The following ENTREP2 variants were observed in gnomAD, a reference collection of about 807,000 sequenced individuals.
ENTREP2 encodes the protein endosomal transmembrane epsin interactor 2, also known as protein ENTREP2.
At chr15:29,258,070 G>A in the ENTREP2 span, among the ~76,000 whole-genome samples, 5 of 151,960 alleles carry the variant, frequency 3.3e-5, no homozygotes, top group Non-Finnish European at 5.9e-5. Flanking sequence ...AAAATTAGCC[G>A]GGCGTGCTGG....
chr15:29,482,088 T>C, the ENTREP2 span, among the ~76,000 whole-genome samples: 1 of 151,872 alleles, frequency 6.6e-6, no homozygotes, highest in African/African-American at 2.4e-5. Context: ...ATCTACACAT[T>C]CCAGGTTCAA....
the ENTREP2 span, among the ~76,000 whole-genome samples, chr15:29,482,864 T>C: frequency 6.6e-6 from 1 of 152,206 alleles, no homozygotes; most frequent in Non-Finnish European, 1.5e-5. Context: ...CCAAGGAGTA[T>C]GACTGTAGGC....
the ENTREP2 span, among the ~76,000 whole-genome samples, chr15:29,556,745 T>C: frequency 7.3e-6 from 1 of 136,982 alleles, no homozygotes; most frequent in African/African-American, 2.7e-5. Context: ...CTCCCCTGGC[T>C]TCAGCCCCAT....
At chr15:29,155,058 G>A in the ENTREP2 span, among the ~76,000 whole-genome samples, 9 of 151,748 alleles carry the variant, frequency 5.9e-5, no homozygotes, top group Middle Eastern at 0.01. Flanking sequence ...CAAGGTGGGT[G>A]GATCACAAGG....
At chr15:29,166,676 C>T in the ENTREP2 span, among the ~76,000 whole-genome samples, 1 of 152,062 alleles carries the variant, frequency 6.6e-6, no homozygotes, top group East Asian at 1.9e-4. Flanking sequence ...ATAAACAACA[C>T]AAATAAATTG....
chr15:29,383,501 G>A, the ENTREP2 span, among the ~76,000 whole-genome samples: 2 of 152,210 alleles, frequency 1.3e-5, no homozygotes, highest in African/African-American at 4.8e-5. Flanking sequence ...CAGGTCTCCT[G>A]TGAAGACAAA....
the ENTREP2 span, among the ~76,000 whole-genome samples, chr15:29,245,612 T>C: frequency 6.6e-6 from 1 of 150,736 alleles, no homozygotes; most frequent in Non-Finnish European, 1.5e-5. Flanking sequence ...AGTATATATA[T>C]GTATATAATA....
chr15:29,308,983 T>G, the ENTREP2 span, among the ~76,000 whole-genome samples: 1 of 152,188 alleles, frequency 6.6e-6, no homozygotes, highest in African/African-American at 2.4e-5. Context: ...TGCCTCTCTT[T>G]GTCCATCTTG....
chr15:29,412,266 A>G, the ENTREP2 span, among the ~76,000 whole-genome samples: 1 of 152,118 alleles, frequency 6.6e-6, no homozygotes, highest in Non-Finnish European at 1.5e-5. Flanking sequence ...AAAGTTTTAC[A>G]CTTTTCTGCA....
At chr15:29,484,771 T>A in the ENTREP2 span, among the ~76,000 whole-genome samples, 1 of 152,162 alleles carries the variant, frequency 6.6e-6, no homozygotes, top group Non-Finnish European at 1.5e-5. Flanking sequence ...TGGAATAAAT[T>A]CTTTACTGAA....
At chr15:29,298,732 G>T in the ENTREP2 span, among the ~76,000 whole-genome samples, 2 of 152,172 alleles carry the variant, frequency 1.3e-5, no homozygotes, top group Admixed American at 1.3e-4. Flanking sequence ...CACCTTCCAT[G>T]AAATAAAATC....
chr15:29,629,084 G>A, the ENTREP2 span, among the ~76,000 whole-genome samples: 1 of 152,050 alleles, frequency 6.6e-6, no homozygotes, highest in Admixed American at 6.6e-5. Context: ...TAATGTCCCT[G>A]GTAATTTTCT....
At chr15:29,355,898 G>C in the ENTREP2 span, among the ~76,000 whole-genome samples, 6 of 152,144 alleles carry the variant, frequency 3.9e-5, no homozygotes, top group South Asian at 1.2e-3. Flanking sequence ...TTTATAACCT[G>C]AGTTCCCTAT....
At chr15:29,274,404 A>G in the ENTREP2 span, among the ~76,000 whole-genome samples, 1 of 152,164 alleles carries the variant, frequency 6.6e-6, no homozygotes, top group Non-Finnish European at 1.5e-5. Context: ...GTGGGCTTTT[A>G]ACTGTATACT....
the ENTREP2 span, among the ~76,000 whole-genome samples, chr15:29,149,382 A>C: frequency 6.6e-6 from 1 of 152,206 alleles, no homozygotes; most frequent in Non-Finnish European, 1.5e-5. Flanking sequence ...ACTGGCATAA[A>C]CTAGTTAGGA....
At chr15:29,508,128 C>T in the ENTREP2 span, among the ~76,000 whole-genome samples, 2 of 152,094 alleles carry the variant, frequency 1.3e-5, no homozygotes, top group Non-Finnish European at 2.9e-5. Flanking sequence ...CACCTCTATG[C>T]GAATAAGCTA....
the ENTREP2 span, among the ~76,000 whole-genome samples, chr15:29,132,016 C>T: frequency 4.8e-4 from 71 of 148,572 alleles, no homozygotes; most frequent in African/African-American, 1.6e-3. Flanking sequence ...TCGTGGAGGC[C>T]GCCCCCTCTT....
chr15:29,659,527 G>T, the ENTREP2 span, among the ~76,000 whole-genome samples: 9 of 151,922 alleles, frequency 5.9e-5, no homozygotes, highest in Non-Finnish European at 8.8e-5. Flanking sequence ...TATCACCACT[G>T]TCTAGGTCAT....
At chr15:29,317,683 C>T in the ENTREP2 span, among the ~76,000 whole-genome samples, 616 of 152,222 alleles carry the variant, frequency 4.0e-3, 7 homozygotes, top group African/African-American at 0.014. Context: ...ATCTAGAAAA[C>T]ATGGGGAATG....
Sources: gnomAD v4.1 joint callset for allele counts (sites outside exome capture counted in the v4.1 genomes callset) on GRCh38, gnomAD v4.1.1 for gene constraint, MANE v1.5 for transcripts, NCBI Gene and HGNC (gene_info 2026-07-23, HGNC 2026-07-21) for gene names.